The following SWAP70 variants were observed in gnomAD, a reference collection of about 807,000 sequenced individuals.
SWAP70 encodes the protein switching B cell complex subunit SWAP70, also known as switch-associated protein 70.
A neutral mutation model predicts 80.2 loss-of-function variants in SWAP70; 34 were observed. That is an observed-to-expected ratio of 0.42 (90% CI 0.32 to 0.56). SWAP70 has a LOEUF of 0.56. SWAP70 is among the 20% of genes least tolerant of loss of function. The probability of loss-of-function intolerance (pLI) is 0.09; values close to 1 mark genes in which losing one functional copy is unlikely to be tolerated. For synonymous variants in SWAP70, 239 were observed against 238.5 expected (o/e 1.00, Z -0.02); for missense variants, 578 against 690.7 (o/e 0.84, Z 1.83).
Position 9,750,149 on chromosome 11 carries a change from C to A in SWAP70, c.*179C>A. The A allele has an allele frequency of 2.7e-6, 1 of 375,792 alleles. No homozygotes were observed. Among genetic ancestry groups the A allele is most frequent in the African/African-American group, 2.0e-5 (1 of 49,026 alleles). The allele number at this position is 375,792 out of a possible 1,614,324, so 23.3% of individuals were successfully genotyped here. On this transcript the variant is annotated 3_prime_UTR_variant, in exon 12 of 12. Coordinates refer to ENST00000318950, the MANE Select transcript of SWAP70 (RefSeq NM_015055.4). ...GGTCAGGAGTTCAAGAGCAGCCTGG[C>A]CAACCTGGTGAAACCCTGTCTCTAC... is the stretch of plus-strand genomic sequence containing the variant.
At chr11:9,709,735 T>C (rs2572943) in intron 2 of SWAP70, among the ~76,000 whole-genome samples, 49,291 of 151,650 alleles carry the variant, frequency 0.33, 8,198 homozygotes, top group Non-Finnish European at 0.35. Context: ...GCGATCCACC[T>C]GCCTTGGCCT....
At chr11:9,726,923 C>A in intron 4 of SWAP70, 1 of 456,228 alleles carries the variant, frequency 2.2e-6, no homozygotes, top group Non-Finnish European at 4.4e-6. Context: ...GGCAGAGTTC[C>A]TCCTTCAGAA....
intron 1 of SWAP70, among the ~76,000 whole-genome samples, chr11:9,676,795 G>T (rs143251229): frequency 1.3e-5 from 2 of 151,856 alleles, no homozygotes; most frequent in South Asian, 4.2e-4. Flanking sequence ...GATTACAGGC[G>T]CCCGCCACCA....
intron 3 of SWAP70, among the ~76,000 whole-genome samples, chr11:9,716,813 G>A (rs913517178): frequency 1.3e-5 from 2 of 152,192 alleles, no homozygotes; most frequent in Non-Finnish European, 2.9e-5. Flanking sequence ...AACCACAAGA[G>A]TAGGTTAGAT....
At chr11:9,693,941 T>C (rs1374966459) in intron 1 of SWAP70, among the ~76,000 whole-genome samples, 1 of 152,170 alleles carries the variant, frequency 6.6e-6, no homozygotes, top group Non-Finnish European at 1.5e-5. Flanking sequence ...AGAGACTAGT[T>C]CTAAGTGAAC....
chr11:9,709,290 A>C (rs1377971222), intron 2 of SWAP70, among the ~76,000 whole-genome samples: 1 of 132,350 alleles, frequency 7.6e-6, no homozygotes, highest in Non-Finnish European at 1.7e-5. Flanking sequence ...ATGCTCAGCT[A>C]ATTAAAAAAA....
chr11:9,723,071 T>G (rs1162489353), intron 3 of SWAP70, among the ~76,000 whole-genome samples: 2 of 152,056 alleles, frequency 1.3e-5, no homozygotes, highest in Non-Finnish European at 2.9e-5. Context: ...GCCTCTGTCT[T>G]TGAGGTGATA....
intron 1 of SWAP70, among the ~76,000 whole-genome samples, chr11:9,683,840 C>T (rs773489062): frequency 7.2e-5 from 11 of 152,058 alleles, no homozygotes; most frequent in Non-Finnish European, 1.2e-4. Flanking sequence ...CTTGAGGGGG[C>T]ATCTGAGTGG....
At chr11:9,743,656 G>A (rs1032812659) in intron 9 of SWAP70, among the ~76,000 whole-genome samples, 5 of 151,614 alleles carry the variant, frequency 3.3e-5, no homozygotes, top group Admixed American at 2.6e-4. Context: ...GCCAGTGATG[G>A]TGAGCATTTT....
At chr11:9,684,911 AC>A (rs1850611920) in intron 1 of SWAP70, among the ~76,000 whole-genome samples, 1 of 152,248 alleles carries the variant, frequency 6.6e-6, no homozygotes, top group Non-Finnish European at 1.5e-5. Flanking sequence ...TGGCTAAAAT[AC>A]GTATTGCACA....
At chr11:9,707,111 AT>A (rs1356601524) in intron 2 of SWAP70, among the ~76,000 whole-genome samples, 3 of 152,296 alleles carry the variant, frequency 2.0e-5, no homozygotes, top group African/African-American at 7.2e-5. Context: ...TTGAATACTA[AT>A]GCTTTATGCA....
At chr11:9,698,104 T>TG (rs1316775463) in intron 2 of SWAP70, among the ~76,000 whole-genome samples, 3 of 146,340 alleles carry the variant, frequency 2.1e-5, no homozygotes, top group Admixed American at 1.4e-4. Context: ...TTTTTTGTTT[T>TG]TTTTTTTTTT....
In SWAP70 at chr11:9,748,061, T is replaced by C. The variant is rs771995987; in HGVS notation, c.1554+5T>C. 2 of 1,613,222 alleles carry C rather than the reference T, an allele frequency of 1.2e-6. No homozygotes were observed. The highest frequency in any genetic ancestry group is 1.7e-6 in the Non-Finnish European group (2 of 1,179,362). ...CAAGCACTTGAGCAGTACGAGGTAA[T>C]GAGACTTGGCCCTGCAAACTTGTAT... On this transcript the variant is annotated splice_donor_5th_base_variant and intron_variant, in intron 10 of 11. Coordinates refer to ENST00000318950, the MANE Select transcript of SWAP70 (RefSeq NM_015055.4).
chr11:9,743,472 C>A (rs2133818130), intron 9 of SWAP70, among the ~76,000 whole-genome samples: 1 of 151,634 alleles, frequency 6.6e-6, no homozygotes, highest in South Asian at 2.1e-4. Context: ...GAGGAATCGC[C>A]ACACTGACTT....
chr11:9,685,545 C>G (rs1850620041), intron 1 of SWAP70, among the ~76,000 whole-genome samples: 1 of 152,004 alleles, frequency 6.6e-6, no homozygotes. Context: ...GACTAGGGAA[C>G]TCTCTCCCTT....
At chr11:9,725,530 AATATATAT>A (rs1211819180) in intron 4 of SWAP70, among the ~76,000 whole-genome samples, 1,532 of 60,324 alleles carry the variant, frequency 0.025, 30 homozygotes, top group South Asian at 0.036. Flanking sequence ...AAAAATACAA[AATATATAT>A]ATATATATAT....
chr11:9,671,532 A>AAG, intron 1 of SWAP70, among the ~76,000 whole-genome samples: 1 of 25,356 alleles, frequency 3.9e-5, no homozygotes, highest in Non-Finnish European at 1.1e-4. Context: ...AAATATATAA[A>AAG]TATATAGAAA....
chr11:9,732,546 C>A lies in SWAP70; in HGVS notation c.916C>A (p.His306Asn). ...TTTTACAGCCATTCATTCTACTATT[C>A]ATCTGTTGAAGCTGGGCAGCCCTCC... ...EWIQAIHSTI[H>N]LLKLGSPPPH... is the part of the protein sequence containing the mutation. The change falls in exon 7 of 12, where the codon CAT (histidine) becomes AAT (asparagine). Residue 306 changes from histidine (H) to asparagine (N), a missense_variant. Transcript: ENST00000318950. 6.2e-7 allele frequency: 1 copy of A among 1,605,828 alleles called. No homozygotes were observed. Among genetic ancestry groups the A allele is most frequent in the South Asian group, 1.1e-5 (1 of 89,898 alleles).
chr11:9,684,181 A>C (rs1431970389), intron 1 of SWAP70, among the ~76,000 whole-genome samples: 1 of 152,134 alleles, frequency 6.6e-6, no homozygotes, highest in Non-Finnish European at 1.5e-5. Context: ...TCCTAGGCTC[A>C]AGTGGTCCTC....
Sources: gnomAD v4.1 joint callset for allele counts (sites outside exome capture counted in the v4.1 genomes callset) on GRCh38, gnomAD v4.1.1 for gene constraint, MANE v1.5 for transcripts, NCBI Gene and HGNC (gene_info 2026-07-23, HGNC 2026-07-21) for gene names.